Variants in KIAA1549L observed in about 807,000 individuals in gnomAD.
KIAA1549L encodes UPF0606 protein KIAA1549L.
In KIAA1549L, 88 loss-of-function variants were observed where a neutral mutation model predicts 160.7. The observed-to-expected ratio is 0.55, with a 90% CI of 0.46 to 0.65. KIAA1549L has a LOEUF of 0.65. KIAA1549L is among the 30% of genes least tolerant of loss of function. The pLI, the probability that KIAA1549L is intolerant of heterozygous loss-of-function variation, is 0.00. For missense variants in KIAA1549L, 2,258 were observed against 2,437.5 expected (o/e 0.93, Z 1.55); for synonymous variants, 950 against 976.7 (o/e 0.97, Z 0.51).
At position 33,544,799 on chromosome 11, in the gene KIAA1549L, G is replaced by A. The variant is rs759313219; in HGVS notation, c.2806G>A (p.Ala936Thr). The A allele has an allele frequency of 1.9e-6, 3 of 1,607,284 alleles. No individual in the cohort carries two copies. The African/African-American group carries it at 4.0e-5, about 21-fold the overall frequency. The change falls in exon 3 of 21, where the codon GCA becomes ACA. Residue 936 changes from alanine to threonine, a missense_variant. Coordinates refer to ENST00000658780, the MANE Select transcript of KIAA1549L (RefSeq NM_012194.3). ...DTVSSKVQPTAAAAVTLFLRK... is the reference protein window; with the variant it reads ...DTVSSKVQPTTAAAVTLFLRK... ...AGTATCATCTAAGGTACAGCCAACA[G>A]CAGCAGCTGCCGTCACATTGTTTCT...
intron 1 of KIAA1549L, among the ~76,000 whole-genome samples, chr11:33,423,816 C>T (rs1851065700): frequency 6.6e-6 from 1 of 152,098 alleles, no homozygotes; most frequent in South Asian, 2.1e-4. Context: ...TTGCTTCAGC[C>T]TAGGAATTTG....
intron 10 of KIAA1549L, among the ~76,000 whole-genome samples, chr11:33,581,397 TTGTGTGTGTG>T (rs10579855): frequency 0.046 from 6,938 of 149,752 alleles, 519 homozygotes; most frequent in African/African-American, 0.16. Flanking sequence ...TTCTGACAAA[TTGTGTGTGTG>T]TGTGTGTGTG....
intron 1 of KIAA1549L, among the ~76,000 whole-genome samples, chr11:33,426,204 C>T (rs1158851466): frequency 1.3e-5 from 2 of 152,148 alleles, no homozygotes; most frequent in African/African-American, 4.8e-5. Context: ...AGGATATTAA[C>T]AGTAGAGGAA....
At chr11:33,551,322 A>G (rs1490851644) in intron 5 of KIAA1549L, 63 bp downstream of exon 5, 1 of 1,389,938 alleles carries the variant, frequency 7.2e-7, no homozygotes, top group Non-Finnish European at 1.0e-6. Flanking sequence ...TACCAAGTGG[A>G]CACCTGTTTA....
At chr11:33,595,342 T>C (rs1779972386) in intron 12 of KIAA1549L, among the ~76,000 whole-genome samples, 1 of 152,202 alleles carries the variant, frequency 6.6e-6, no homozygotes, top group Admixed American at 6.5e-5. Flanking sequence ...TTCCCCTGCC[T>C]CAGCCTCCCG....
intron 1 of KIAA1549L, among the ~76,000 whole-genome samples, chr11:33,384,944 G>GT (rs1169302830): frequency 0.02 from 2,456 of 123,674 alleles, 48 homozygotes; most frequent in African/African-American, 0.07. Context: ...TTTGTTTTTT[G>GT]TTTTTTTTTT....
intron 1 of KIAA1549L, among the ~76,000 whole-genome samples, chr11:33,494,300 A>C (rs181870122): frequency 2.3e-3 from 351 of 152,348 alleles, no homozygotes; most frequent in Non-Finnish European, 4.1e-3. Flanking sequence ...AAAGCCAACA[A>C]ATATGCTTCC....
chr11:33,397,957 A>G (rs965367823), intron 1 of KIAA1549L, among the ~76,000 whole-genome samples: 2 of 101,556 alleles, frequency 2.0e-5, no homozygotes, highest in African/African-American at 7.8e-5. Flanking sequence ...ATAGAGTCTT[A>G]TGGTTGCCTA....
chr11:33,591,194 A>G (rs373236351), intron 11 of KIAA1549L, 43 bp from the exon 12 acceptor site: 2 of 1,475,910 alleles, frequency 1.4e-6, no homozygotes, highest in Non-Finnish European at 1.9e-6. Flanking sequence ...TTAGAGTCAC[A>G]CTTCGCTAGA....
intron 1 of KIAA1549L, among the ~76,000 whole-genome samples, chr11:33,433,119 G>T (rs1450266431): frequency 6.6e-6 from 1 of 152,190 alleles, no homozygotes; most frequent in Non-Finnish European, 1.5e-5. Flanking sequence ...CACAGCAAAA[G>T]AAACTATCAT....
At chr11:33,440,274 C>T (rs1195429233) in intron 1 of KIAA1549L, among the ~76,000 whole-genome samples, 9 of 148,896 alleles carry the variant, frequency 6.0e-5, no homozygotes, top group African/African-American at 9.8e-5. Flanking sequence ...GGACTACAGG[C>T]GCCCGCCACT....
At chr11:33,601,955 G>T (rs969741417) in intron 13 of KIAA1549L, among the ~76,000 whole-genome samples, 1 of 152,184 alleles carries the variant, frequency 6.6e-6, no homozygotes, top group African/African-American at 2.4e-5. Flanking sequence ...AGCAAAAAGA[G>T]TTTGGTGCTT....
intron 8 of KIAA1549L, among the ~76,000 whole-genome samples, chr11:33,566,264 C>T (rs930739905): frequency 6.6e-6 from 1 of 152,076 alleles, no homozygotes; most frequent in Non-Finnish European, 1.5e-5. Flanking sequence ...CCTGTGTCCC[C>T]TCTCTCACTC....
At chr11:33,598,792 T>G (rs1590383378) in intron 12 of KIAA1549L, 28 bp from the exon 13 acceptor site, 1 of 1,613,270 alleles carries the variant, frequency 6.2e-7, no homozygotes. Flanking sequence ...AAACTTACCG[T>G]CTCCCCTGTT....
rs151106289 is a variant in KIAA1549L, at chr11:33,664,975, G to A, written c.6160-2898G>A. ...ACGGGACATGCAGACTCTGTAGCCT[G>A]ATATTCAGCAGCTTATGAATCCAGT... On this transcript the variant is annotated intron_variant, in intron 20 of 20. Coordinates refer to ENST00000658780, the MANE Select transcript of KIAA1549L (RefSeq NM_012194.3). Among the ~76,000 whole-genome samples the A allele has an allele frequency of 6.0e-4, 92 of 152,326 alleles. 1 individual carries two copies. The highest frequency in any genetic ancestry group is 2.0e-3 in the African/African-American group (85 of 41,568).
At chr11:33,504,602 G>A (rs988070610) in intron 1 of KIAA1549L, among the ~76,000 whole-genome samples, 1 of 152,064 alleles carries the variant, frequency 6.6e-6, no homozygotes, top group South Asian at 2.1e-4. Flanking sequence ...CAAATAGCTG[G>A]GACTACAGGT....
chr11:33,566,268 C>T (rs1855046886), intron 8 of KIAA1549L, among the ~76,000 whole-genome samples: 1 of 152,122 alleles, frequency 6.6e-6, no homozygotes, highest in African/African-American at 2.4e-5. Context: ...TGTCCCCTCT[C>T]TCACTCTTGG....
At chr11:33,609,703 G>C in intron 14 of KIAA1549L, 46 bp from the exon 15 acceptor site, 1 of 1,464,104 alleles carries the variant, frequency 6.8e-7, no homozygotes, top group Non-Finnish European at 9.4e-7. Context: ...CCCACCTGCC[G>C]GCCCCACTGG....
Position 33,435,771 on chromosome 11 carries a change from T to G in KIAA1549L, c.238+58882T>G, listed in dbSNP as rs1272035829. Among the ~76,000 whole-genome samples the G allele has an allele frequency of 1.0e-3, 31 of 29,914 alleles. 3 individuals are homozygous for G. Among genetic ancestry groups the G allele is most frequent in the African/African-American group, 3.1e-3 (8 of 2,600 alleles). 19.6% of individuals were successfully genotyped at this position (29,914 alleles called of 152,430 possible). ...ACAGAACCAATAAGATATATATATA[T>G]ATATATATATATATATATATATATA... On this transcript the variant is annotated intron_variant, in intron 1 of 20. Transcript: ENST00000658780.
Sources: allele counts gnomAD v4.1 joint callset (sites outside exome capture counted in the v4.1 genomes callset), GRCh38; gene constraint gnomAD v4.1.1; transcripts MANE v1.5; gene names NCBI Gene and HGNC (gene_info 2026-07-23, HGNC 2026-07-21).